Variants in ANKRD45 observed in about 807,000 individuals in gnomAD.
ANKRD45 encodes the protein ankyrin repeat domain-containing protein 45.
Under a neutral mutation model 28.1 loss-of-function variants are expected in ANKRD45, and 21 were observed. The ratio of observed to expected loss-of-function variants is 0.75; its 90% CI spans 0.53 to 1.08. ANKRD45 has a LOEUF of 1.08. Among genes scored for constraint, ANKRD45 ranks in the 50% least tolerant of loss-of-function variants. ANKRD45 has a pLI of 0.00. For missense variants in ANKRD45, 261 were observed against 308.7 expected (o/e 0.85, Z 1.16); for synonymous variants, 86 against 103.9 (o/e 0.83, Z 1.05).
At chr1:173,696,212 T>A in the ANKRD45 span, among the ~76,000 whole-genome samples, 1 of 152,308 alleles carries the variant, frequency 6.6e-6, no homozygotes, top group African/African-American at 2.4e-5. Flanking sequence ...TTTCCCTGTA[T>A]TTCTCAGACT....
At chr1:173,624,489 G>A (rs560035543) in intron 5 of ANKRD45, among the ~76,000 whole-genome samples, 10 of 127,460 alleles carry the variant, frequency 7.8e-5, no homozygotes, top group Non-Finnish European at 1.1e-4. Context: ...TCTGCCTCCG[G>A]GGGAAAAAAA....
At chr1:173,706,347 A>AT in the ANKRD45 span, among the ~76,000 whole-genome samples, 204 of 147,802 alleles carry the variant, frequency 1.4e-3, 1 homozygote, top group South Asian at 0.024. Flanking sequence ...TTTGCTTTTA[A>AT]TTTTTTTTTG....
At chr1:173,635,658 A>C in intron 3 of ANKRD45, 1 of 1,535,644 alleles carries the variant, frequency 6.5e-7, no homozygotes, top group Non-Finnish European at 8.7e-7. Context: ...CATTATTGGA[A>C]AGTTAAGGGT....
chr1:173,612,155 G>A (rs755950686), intron 5 of ANKRD45, among the ~76,000 whole-genome samples: 5 of 152,036 alleles, frequency 3.3e-5, no homozygotes, highest in Admixed American at 6.6e-5. Flanking sequence ...GAGGTGGGAG[G>A]ATTGCTTGGG....
the ANKRD45 span, among the ~76,000 whole-genome samples, chr1:173,706,960 T>G: frequency 1.3e-5 from 2 of 152,150 alleles, no homozygotes; most frequent in Non-Finnish European, 1.5e-5. Context: ...TTGTGCCATT[T>G]CAGATTTTTG....
intron 4 of ANKRD45, 32 bp from the exon 5 acceptor site, chr1:173,624,957 C>G: frequency 6.3e-7 from 1 of 1,582,444 alleles, no homozygotes; most frequent in Non-Finnish European, 8.6e-7. Flanking sequence ...TTGCTCTCCA[C>G]TTATTTATTG....
upstream of ANKRD45, chr1:173,669,883 C>T (rs917690957): frequency 1.8e-5 from 3 of 169,570 alleles, no homozygotes; most frequent in African/African-American, 7.2e-5. Flanking sequence ...GCGCCTCCTC[C>T]TGCGCCGCGG....
At chr1:173,669,073 C>T (rs900866869) in intron 1 of ANKRD45, among the ~76,000 whole-genome samples, 1 of 152,214 alleles carries the variant, frequency 6.6e-6, no homozygotes, top group Non-Finnish European at 1.5e-5. Context: ...GCACCTACCC[C>T]ATAGGCTCTC....
At chr1:173,664,475 TCA>T (rs1400217529) in intron 1 of ANKRD45, among the ~76,000 whole-genome samples, 3 of 152,190 alleles carry the variant, frequency 2.0e-5, no homozygotes, top group Non-Finnish European at 4.4e-5. Context: ...TATTTTTGTT[TCA>T]CAGGTATTCC....
At chr1:173,673,111 C>CT (rs201967833), upstream of ANKRD45, among the ~76,000 whole-genome samples, 1,407 of 138,632 alleles carry the variant, frequency 0.01, 10 homozygotes, top group African/African-American at 0.026. Context: ...CATTTCTATA[C>CT]TTTTTTTTTT....
chr1:173,669,756 C>G (rs1670185278), intron 1 of ANKRD45, 61 bp downstream of exon 1: 1 of 243,126 alleles, frequency 4.1e-6, no homozygotes, highest in South Asian at 5.8e-5. Flanking sequence ...GTCCGTCTAC[C>G]CCATCGCACT....
intron 2 of ANKRD45, 120 bp downstream of exon 2, chr1:173,658,971 T>C: frequency 7.3e-7 from 1 of 1,372,606 alleles, no homozygotes; most frequent in Non-Finnish European, 9.7e-7. Flanking sequence ...CATATAGATG[T>C]ATATACACAT....
At chr1:173,655,098 G>C (rs1007394237) in intron 2 of ANKRD45, among the ~76,000 whole-genome samples, 8 of 152,172 alleles carry the variant, frequency 5.3e-5, no homozygotes, top group African/African-American at 1.9e-4. Flanking sequence ...GCCAACTTCT[G>C]TCAACTCATC....
intron 3 of ANKRD45, chr1:173,637,245 G>A: frequency 2.2e-6 from 1 of 455,890 alleles, no homozygotes; most frequent in South Asian, 2.8e-5. Context: ...AGAAGAAATT[G>A]TATACTGTAG....
intron 2 of ANKRD45, among the ~76,000 whole-genome samples, chr1:173,652,144 T>C (rs12081160): frequency 0.17 from 25,310 of 151,388 alleles, 7,065 homozygotes; most frequent in African/African-American, 0.58. Flanking sequence ...GGAATAGGAG[T>C]GGTGAGAGAG....
At chr1:173,615,098 C>T (rs1223619109) in intron 5 of ANKRD45, among the ~76,000 whole-genome samples, 2 of 152,114 alleles carry the variant, frequency 1.3e-5, no homozygotes, top group East Asian at 1.9e-4. Flanking sequence ...GAATTACAGG[C>T]GTAAGCCACC....
chr1:173,613,582 C>T (rs1428711565), intron 5 of ANKRD45, among the ~76,000 whole-genome samples: 1 of 147,512 alleles, frequency 6.8e-6, no homozygotes, highest in Admixed American at 6.6e-5. Context: ...CGGCCAGCCG[C>T]CCCGTCCGGG....
intron 1 of ANKRD45, among the ~76,000 whole-genome samples, chr1:173,662,050 A>G (rs1669800095): frequency 6.6e-6 from 1 of 152,166 alleles, no homozygotes; most frequent in Non-Finnish European, 1.5e-5. Context: ...GGGAGCAGAT[A>G]TTTTAGGCTT....
chr1:173,680,770 T>C, the ANKRD45 span, among the ~76,000 whole-genome samples: 1 of 151,602 alleles, frequency 6.6e-6, no homozygotes, highest in East Asian at 2.0e-4. Context: ...ATATACACCA[T>C]GGAATACTAT....
Sources: allele counts gnomAD v4.1 joint callset (sites outside exome capture counted in the v4.1 genomes callset), GRCh38; gene constraint gnomAD v4.1.1; transcripts MANE v1.5; gene names NCBI Gene and HGNC (gene_info 2026-07-23, HGNC 2026-07-21).